PLD5: variants seen among roughly 807,000 people sequenced by gnomAD.
PLD5 encodes the protein inactive phospholipase D5.
Under a neutral mutation model 61.1 loss-of-function variants are expected in PLD5, and 36 were observed. The ratio of observed to expected loss-of-function variants is 0.59; its 90% CI spans 0.45 to 0.78. The LOEUF is 0.78. PLD5 is among the 30% of genes least tolerant of loss of function. The pLI, the probability that PLD5 is intolerant of heterozygous loss-of-function variation, is 0.00. For synonymous variants in PLD5, 243 were observed against 242.8 expected (o/e 1.00, Z -0.01); for missense variants, 515 against 644.4 (o/e 0.80, Z 2.17).
chr1:242,401,702 C>T (rs978004638), intron 1 of PLD5, among the ~76,000 whole-genome samples: 1 of 152,168 alleles, frequency 6.6e-6, no homozygotes, highest in Admixed American at 6.5e-5. Context: ...CAAATGTCAC[C>T]TCCTCGGAGA....
intron 1 of PLD5, among the ~76,000 whole-genome samples, chr1:242,470,176 C>A (rs1014838373): frequency 1.5e-4 from 23 of 151,828 alleles, no homozygotes; most frequent in African/African-American, 5.6e-4. Context: ...CCCGTCTCTA[C>A]TAAAAATACA....
At chr1:242,152,175 G>C (rs528447794) in intron 5 of PLD5, among the ~76,000 whole-genome samples, 2 of 151,864 alleles carry the variant, frequency 1.3e-5, no homozygotes, top group Non-Finnish European at 2.9e-5. Flanking sequence ...GCCGTTTCTG[G>C]GTTCTAGAGG....
intron 1 of PLD5, among the ~76,000 whole-genome samples, chr1:242,413,319 T>C (rs1169200837): frequency 6.6e-6 from 1 of 152,178 alleles, no homozygotes; most frequent in Admixed American, 6.5e-5. Flanking sequence ...CTTTTTTTTT[T>C]TTCTACCCAG....
intron 1 of PLD5, among the ~76,000 whole-genome samples, chr1:242,350,310 G>A (rs1259920200): frequency 6.6e-6 from 1 of 152,080 alleles, no homozygotes; most frequent in Non-Finnish European, 1.5e-5. Flanking sequence ...GAGAAAGGAG[G>A]AAAAGCAATT....
intron 5 of PLD5, among the ~76,000 whole-genome samples, chr1:242,132,080 C>T (rs1307025343): frequency 2.6e-5 from 4 of 151,348 alleles, no homozygotes; most frequent in African/African-American, 9.7e-5. Flanking sequence ...ATCTGCCCAC[C>T]TCAGCCTCCT....
intron 1 of PLD5, among the ~76,000 whole-genome samples, chr1:242,392,322 G>A (rs1376140469): frequency 6.6e-6 from 1 of 152,136 alleles, no homozygotes; most frequent in South Asian, 2.1e-4. Context: ...TCACTACCTG[G>A]GGGATGGGAT....
At chr1:242,303,857 G>A (rs1469454796) in intron 2 of PLD5, among the ~76,000 whole-genome samples, 21 of 152,166 alleles carry the variant, frequency 1.4e-4, no homozygotes, top group Non-Finnish European at 2.5e-4. Flanking sequence ...ACGAGAGGGC[G>A]ATTATATGTG....
chr1:242,428,099 C>G (rs911862298), intron 1 of PLD5, among the ~76,000 whole-genome samples: 1 of 152,188 alleles, frequency 6.6e-6, no homozygotes, highest in African/African-American at 2.4e-5. Context: ...CACTTATTGT[C>G]TTCATTTTAA....
At chr1:242,410,193 C>T (rs1010062290) in intron 1 of PLD5, among the ~76,000 whole-genome samples, 1 of 152,090 alleles carries the variant, frequency 6.6e-6, no homozygotes, top group East Asian at 1.9e-4. Context: ...GCTCCTCCTG[C>T]GGTCAATTTA....
chr1:242,194,606 GTATCTATCTATGTATCTATC>G (rs1400257775), intron 5 of PLD5, among the ~76,000 whole-genome samples: 2 of 123,662 alleles, frequency 1.6e-5, no homozygotes, highest in African/African-American at 3.0e-5. Flanking sequence ...ATCTATCTAT[GTATCTATCTATGTATCTATC>G]TATCTATCTA....
At chr1:242,385,782 C>T (rs759168496) in intron 1 of PLD5, among the ~76,000 whole-genome samples, 3 of 152,178 alleles carry the variant, frequency 2.0e-5, no homozygotes, top group Non-Finnish European at 4.4e-5. Flanking sequence ...ATGCTAGAAT[C>T]AGAAAATGAT....
chr1:242,394,939 A>T (rs868863975), intron 1 of PLD5, among the ~76,000 whole-genome samples: 1 of 84,218 alleles, frequency 1.2e-5, no homozygotes, highest in Non-Finnish European at 2.7e-5. Flanking sequence ...CATTATATGA[A>T]TATATATGAT....
chr1:242,228,401 A>G lies in PLD5; in HGVS notation c.608-8286T>C, dbSNP rs1044482665. ...AGTACCCGAGGCACCCGCAGGACACAGAATGGGAAAGCCTAGGTCCCATGT... is the reference window on the plus strand; with the variant it reads ...AGTACCCGAGGCACCCGCAGGACACGGAATGGGAAAGCCTAGGTCCCATGT... On this transcript the variant is annotated intron_variant, in intron 4 of 9. Coordinates refer to ENST00000536534, the MANE Select transcript of PLD5 (RefSeq NM_001372062.1). 2.6e-5 allele frequency among the ~76,000 whole-genome samples: 4 copies of G among 152,306 alleles called. No individual in the cohort carries two copies. In the South Asian group the frequency reaches 8.3e-4, roughly 32 times the overall value.
At chr1:242,472,573 C>T (rs1667477227) in intron 1 of PLD5, among the ~76,000 whole-genome samples, 1 of 152,146 alleles carries the variant, frequency 6.6e-6, no homozygotes, top group Non-Finnish European at 1.5e-5. Flanking sequence ...CTGTGTAAAC[C>T]TGGAGTCAAA....
upstream of PLD5, among the ~76,000 whole-genome samples, chr1:242,527,556 T>C (rs565855711): frequency 2.6e-5 from 4 of 152,336 alleles, no homozygotes; most frequent in East Asian, 7.7e-4. Context: ...AGTCAAAATA[T>C]AAATTTTTAC....
At chr1:242,099,029 C>G (rs559538358) in intron 9 of PLD5, among the ~76,000 whole-genome samples, 1 of 152,342 alleles carries the variant, frequency 6.6e-6, no homozygotes, top group South Asian at 2.1e-4. Context: ...AGGAGGCAGT[C>G]TGTCCATTCT....
rs149318285 is a variant in PLD5, at chr1:242,145,435, T to G, written c.736-20770A>C. Among the ~76,000 whole-genome samples, 20 of 152,242 alleles carry G rather than the reference T, an allele frequency of 1.3e-4. 1 individual carries two copies. The highest frequency in any genetic ancestry group is 4.8e-4 in the African/African-American group (20 of 41,534). The stretch of plus-strand genomic sequence containing the variant: ...TTTCCAGTACCTAGTATGTCGTGGA[T>G]GTTTGATAAATATATGTTGAATAAG... On this transcript the variant is annotated intron_variant, in intron 5 of 9. Coordinates refer to ENST00000536534, the MANE Select transcript of PLD5 (RefSeq NM_001372062.1).
At chr1:242,274,201 A>C (rs1240528805) in intron 3 of PLD5, among the ~76,000 whole-genome samples, 1 of 152,248 alleles carries the variant, frequency 6.6e-6, no homozygotes, top group African/African-American at 2.4e-5. Flanking sequence ...ATCTGGAATA[A>C]ATATTTGCTA....
At chr1:242,371,423 T>C (rs1238160058) in intron 1 of PLD5, among the ~76,000 whole-genome samples, 1 of 152,136 alleles carries the variant, frequency 6.6e-6, no homozygotes, top group Admixed American at 6.6e-5. Context: ...AGGAAGTTCC[T>C]ATTAACATGG....
Sources: allele counts gnomAD v4.1 joint callset (sites outside exome capture counted in the v4.1 genomes callset), GRCh38; gene constraint gnomAD v4.1.1; transcripts MANE v1.5; gene names NCBI Gene and HGNC (gene_info 2026-07-23, HGNC 2026-07-21).